FAT3: variants seen among roughly 807,000 people sequenced by gnomAD.
The protein encoded by FAT3 is FAT atypical cadherin 3, also known as protocadherin Fat 3.
Under a neutral mutation model 310.2 loss-of-function variants are expected in FAT3, and 95 were observed. The observed-to-expected ratio is 0.31, with a 90% CI of 0.26 to 0.36. The LOEUF is 0.36. Among genes scored for constraint, FAT3 ranks in the 10% least tolerant of loss-of-function variants. The pLI, the probability that FAT3 is intolerant of heterozygous loss-of-function variation, is 1.00. For missense variants in FAT3, 5,408 were observed against 5,715.6 expected, an observed-to-expected ratio of 0.95 and a Z score of 1.74; for synonymous variants, 2,314 against 2,192.9, an observed-to-expected ratio of 1.06 and a Z score of -1.54.
intron 25 of FAT3, 76 bp from the exon 26 acceptor site, chr11:92,889,113 A>G: frequency 1.6e-6 from 1 of 640,214 alleles, no homozygotes; most frequent in Non-Finnish European, 2.9e-6. Context: ...TGTTGTTAAA[A>G]TAAGGTGTGT....
intron 3 of FAT3, among the ~76,000 whole-genome samples, chr11:92,619,651 A>G (rs1024871661): frequency 6.6e-6 from 1 of 151,970 alleles, no homozygotes; most frequent in South Asian, 2.1e-4. Flanking sequence ...TTGTTGTAAT[A>G]TAGTTATTCA....
rs567555740 is a variant in FAT3 at position 92,352,222 on chromosome 11, G to T, written c.110G>T (p.Gly37Val). Residue 37 changes from glycine (G) to valine (V), a missense_variant, in exon 2 of 28, where the codon GGA becomes GTA. Around this residue, in one of 5 missense-constraint regions of FAT3, gnomAD observed 152 missense variants for 188.3 expected, o/e 0.81. Transcript: ENST00000525166. Reference sequence around the variant, plus strand: ...GTCTCCCAGGGGCTGCCAGGGACTGGACCCCTGGGCTTCCACTTCACACAT... The same window carrying T: ...GTCTCCCAGGGGCTGCCAGGGACTGTACCCCTGGGCTTCCACTTCACACAT... Reference protein sequence around the residue: ...ATVSQGLPGTGPLGFHFTHSI... With the variant: ...ATVSQGLPGTVPLGFHFTHSI... 7.2e-7 allele frequency: 1 copy of T among 1,384,598 alleles called. No individual in the cohort carries two copies. The highest frequency in any genetic ancestry group is 1.5e-5 in the African/African-American group (1 of 68,628). 85.8% of individuals were successfully genotyped at this position (1,384,598 alleles called of 1,614,324 possible).
At chr11:92,837,564 C>A in intron 16 of FAT3, 99 bp from the exon 17 acceptor site, 1 of 1,440,790 alleles carries the variant, frequency 6.9e-7, no homozygotes. Flanking sequence ...GATGGTTGCT[C>A]TTTAACAAAG....
chr11:92,832,695 T>A (rs1948297952), intron 14 of FAT3, among the ~76,000 whole-genome samples: 1 of 152,156 alleles, frequency 6.6e-6, no homozygotes, highest in Non-Finnish European at 1.5e-5. Flanking sequence ...CTTTTCTGTT[T>A]GATGTTGTTG....
At chr11:92,425,204 A>AT (rs766658877) in intron 2 of FAT3, among the ~76,000 whole-genome samples, 1 of 151,798 alleles carries the variant, frequency 6.6e-6, no homozygotes, top group Non-Finnish European at 1.5e-5. Context: ...CTTCAGAGTG[A>AT]TTTTTTAAAA....
At chr11:92,309,611 G>T (rs1252791237) in intron 1 of FAT3, among the ~76,000 whole-genome samples, 1 of 152,078 alleles carries the variant, frequency 6.6e-6, no homozygotes. Flanking sequence ...CAGGACAAAG[G>T]TTTTTAAGAA....
At chr11:92,450,029 C>T (rs1591306581) in intron 2 of FAT3, among the ~76,000 whole-genome samples, 1 of 152,078 alleles carries the variant, frequency 6.6e-6, no homozygotes, top group Non-Finnish European at 1.5e-5. Flanking sequence ...CTCATGTGTC[C>T]TTTCCCCATG....
intron 3 of FAT3, among the ~76,000 whole-genome samples, chr11:92,584,898 T>C (rs756042037): frequency 6.6e-6 from 1 of 152,026 alleles, no homozygotes; most frequent in Non-Finnish European, 1.5e-5. Context: ...GAGGGCAGTA[T>C]TTTGCCTTGA....
intron 9 of FAT3, among the ~76,000 whole-genome samples, chr11:92,793,880 G>C (rs1266644002): frequency 6.6e-6 from 1 of 151,858 alleles, no homozygotes; most frequent in East Asian, 1.9e-4. Flanking sequence ...AAATATGAAT[G>C]CTAGAATGAC....
intron 2 of FAT3, among the ~76,000 whole-genome samples, chr11:92,367,539 G>A (rs1949059408): frequency 6.6e-6 from 1 of 152,164 alleles, no homozygotes; most frequent in South Asian, 2.1e-4. Flanking sequence ...GCTAACATGG[G>A]AAGTTCACTT....
At chr11:92,553,680 CCTTCCTTCCTTCCTT>C (rs1954900542) in intron 3 of FAT3, among the ~76,000 whole-genome samples, 3 of 32,436 alleles carry the variant, frequency 9.2e-5, no homozygotes, top group Admixed American at 1.1e-3. Flanking sequence ...TCCGTCCCTT[CCTTCCTTCCTTCCTT>C]CCTTCCTTCC....
intron 2 of FAT3, among the ~76,000 whole-genome samples, chr11:92,368,517 T>C (rs1949084811): frequency 6.6e-6 from 1 of 152,204 alleles, no homozygotes; most frequent in Non-Finnish European, 1.5e-5. Context: ...ACTTGTATGC[T>C]GCATCATCCA....
chr11:92,435,108 C>T (rs949010028), intron 2 of FAT3, among the ~76,000 whole-genome samples: 1 of 152,160 alleles, frequency 6.6e-6, no homozygotes, highest in Non-Finnish European at 1.5e-5. Flanking sequence ...TAATGACCTC[C>T]ACCTGGCAAG....
intron 13 of FAT3, among the ~76,000 whole-genome samples, chr11:92,825,004 C>G (rs1308576419): frequency 3.3e-5 from 5 of 152,030 alleles, no homozygotes; most frequent in Non-Finnish European, 7.4e-5. Context: ...CAAATGCAAA[C>G]ATCTATTTAG....
At chr11:92,326,414 C>T (rs1272051260) in intron 1 of FAT3, among the ~76,000 whole-genome samples, 4 of 152,114 alleles carry the variant, frequency 2.6e-5, no homozygotes, top group Non-Finnish European at 4.4e-5. Context: ...AGAGTTGATC[C>T]TAATCCTTCT....
intron 3 of FAT3, among the ~76,000 whole-genome samples, chr11:92,628,183 G>C (rs1340109501): frequency 6.6e-6 from 1 of 152,160 alleles, no homozygotes; most frequent in Non-Finnish European, 1.5e-5. Context: ...TGACCCTTTG[G>C]TATATTTAGC....
intron 2 of FAT3, among the ~76,000 whole-genome samples, chr11:92,490,291 A>G (rs1952564464): frequency 6.6e-6 from 1 of 152,142 alleles, no homozygotes; most frequent in Non-Finnish European, 1.5e-5. Flanking sequence ...CAAATTTCAG[A>G]AAGGCTGGGG....
At chr11:92,386,152 T>C (rs1433179033) in intron 2 of FAT3, among the ~76,000 whole-genome samples, 2 of 152,100 alleles carry the variant, frequency 1.3e-5, no homozygotes, top group Non-Finnish European at 2.9e-5. Context: ...AAGTTAAAAG[T>C]GAGAAAATAA....
chr11:92,410,797 A>G (rs777485293), intron 2 of FAT3, among the ~76,000 whole-genome samples: 6 of 152,046 alleles, frequency 3.9e-5, no homozygotes, highest in Non-Finnish European at 8.8e-5. Context: ...GAACCAGGCA[A>G]AATAAACAAT....
Sources: allele counts gnomAD v4.1 joint callset (sites outside exome capture counted in the v4.1 genomes callset), GRCh38; gene constraint gnomAD v4.1.1; regional missense constraint gnomAD v4.1.1; transcripts MANE v1.5; gene names NCBI Gene and HGNC (gene_info 2026-07-23, HGNC 2026-07-21).